SPIDR: variants seen among roughly 807,000 people sequenced by gnomAD.
The protein encoded by SPIDR is DNA repair-scaffolding protein.
SPIDR carries 93 observed loss-of-function variants against 104.6 expected under a neutral mutation model. The observed-to-expected ratio is 0.89, with a 90% CI of 0.75 to 1.06. SPIDR has a LOEUF of 1.06. SPIDR is among the 50% of genes least tolerant of loss of function. The pLI is 0.00. For synonymous variants in SPIDR, 431 were observed against 416.9 expected (o/e 1.03, Z -0.41); for missense variants, 1,154 against 1,111.2 (o/e 1.04, Z -0.55).
intron 5 of SPIDR, among the ~76,000 whole-genome samples, chr8:47,314,089 A>G (rs1470736086): frequency 4.6e-5 from 7 of 152,218 alleles, no homozygotes; most frequent in African/African-American, 2.4e-5. Context: ...TAATGTTACA[A>G]TATGGCATTT....
At chr8:47,339,118 TATC>T (rs1209145347) in intron 5 of SPIDR, among the ~76,000 whole-genome samples, 2 of 152,346 alleles carry the variant, frequency 1.3e-5, no homozygotes, top group African/African-American at 4.8e-5. Context: ...CCGTTTTAAA[TATC>T]ATCTTTCAGA....
chr8:47,304,755 C>G (rs1302309350), intron 5 of SPIDR, among the ~76,000 whole-genome samples: 4 of 152,144 alleles, frequency 2.6e-5, no homozygotes, highest in Non-Finnish European at 5.9e-5. Context: ...ATTACCCAGT[C>G]TCAGGTATAT....
chr8:47,498,241 G>A (rs1564145401), intron 8 of SPIDR, among the ~76,000 whole-genome samples: 3 of 152,018 alleles, frequency 2.0e-5, no homozygotes, highest in Non-Finnish European at 2.9e-5. Flanking sequence ...GCACATTGTT[G>A]GCCAGTTGAT....
chr8:47,503,131 G>A (rs2080826534), intron 8 of SPIDR, among the ~76,000 whole-genome samples: 1 of 152,176 alleles, frequency 6.6e-6, no homozygotes, highest in Non-Finnish European at 1.5e-5. Flanking sequence ...TGGGTGGAGA[G>A]TTCTGTAGAT....
intron 8 of SPIDR, among the ~76,000 whole-genome samples, chr8:47,509,765 C>CAACGTATAT (rs1232959304): frequency 6.6e-6 from 1 of 152,164 alleles, no homozygotes; most frequent in Non-Finnish European, 1.5e-5. Context: ...ACTAGGTCTA[C>CAACGTATAT]AACGTATATC....
chr8:47,433,795 A>G (rs1307964644), intron 7 of SPIDR, among the ~76,000 whole-genome samples: 1 of 152,206 alleles, frequency 6.6e-6, no homozygotes, highest in African/African-American at 2.4e-5. Context: ...TGGAGCATGG[A>G]GATTTGGCAT....
chr8:47,498,033 A>G (rs1586714042), intron 8 of SPIDR, among the ~76,000 whole-genome samples: 2 of 152,356 alleles, frequency 1.3e-5, no homozygotes, highest in South Asian at 4.1e-4. Flanking sequence ...CGGGTAAGCA[A>G]GGTGAGCACT....
At chr8:47,532,477 G>A (rs953422195) in intron 8 of SPIDR, among the ~76,000 whole-genome samples, 1 of 152,086 alleles carries the variant, frequency 6.6e-6, no homozygotes, top group Admixed American at 6.6e-5. Flanking sequence ...ACAGAAAGCT[G>A]GAGTACCTAT....
At chr8:47,497,123 ATAGT>A (rs1398263027) in intron 8 of SPIDR, among the ~76,000 whole-genome samples, 1 of 151,970 alleles carries the variant, frequency 6.6e-6, no homozygotes, top group Non-Finnish European at 1.5e-5. Flanking sequence ...ACCCTAGCTA[ATAGT>A]TTGTTGATTT....
At chr8:47,732,697 T>C (rs2085459554) in intron 19 of SPIDR, 1 of 153,702 alleles carries the variant, frequency 6.5e-6, no homozygotes, top group South Asian at 2.0e-4. Context: ...CTGTCAGTTT[T>C]CTGGGTGAGC....
chr8:47,702,202 G>A (rs140906405), intron 14 of SPIDR, among the ~76,000 whole-genome samples, 187 bp downstream of exon 14: 83 of 151,940 alleles, frequency 5.5e-4, no homozygotes, highest in African/African-American at 2.0e-3. Context: ...ACAGAGAAGT[G>A]TTTTTAAAGT....
intron 16 of SPIDR, 142 bp downstream of exon 16, chr8:47,713,783 A>T: frequency 4.3e-6 from 5 of 1,161,170 alleles, no homozygotes; most frequent in East Asian, 2.6e-5. Flanking sequence ...AAAAGCAGAA[A>T]TTGTTCTTGG....
At chr8:47,701,653 A>T in intron 12 of SPIDR, 68 bp from the exon 13 acceptor site, 1 of 1,481,250 alleles carries the variant, frequency 6.8e-7, no homozygotes. Context: ...AGGAGATTTT[A>T]ATAATATCTC....
intron 14 of SPIDR, among the ~76,000 whole-genome samples, chr8:47,709,300 C>T (rs921446882): frequency 6.6e-6 from 1 of 152,172 alleles, no homozygotes; most frequent in African/African-American, 2.4e-5. Context: ...ACCACCACAC[C>T]AGCTAATTTT....
chr8:47,396,474 C>G lies in SPIDR; in HGVS notation c.624C>G (p.Tyr208Ter), dbSNP rs2061261606. The change falls in exon 6 of 20, where the codon TAC becomes TAG. Residue 208 changes from tyrosine (Y) to a stop codon, truncating the protein, a stop_gained. Transcript: ENST00000297423. LOFTEE classifies it high-confidence loss of function. ...LLIDSESPHK[Y>*]HVQFASDARQ... Reference sequence around the variant, plus strand: ...TTGATTCAGAATCCCCTCACAAATACCACGTGCAGTTTGCATCGGATGCAA... The same window carrying G: ...TTGATTCAGAATCCCCTCACAAATAGCACGTGCAGTTTGCATCGGATGCAA... 1 of 1,613,874 alleles carries G rather than the reference C, an allele frequency of 6.2e-7. No homozygotes were observed. Among genetic ancestry groups the G allele is most frequent in the Non-Finnish European group, 8.5e-7 (1 of 1,179,966 alleles).
chr8:47,446,956 G>A (rs1011259227), intron 8 of SPIDR, among the ~76,000 whole-genome samples: 2 of 152,100 alleles, frequency 1.3e-5, no homozygotes, highest in Non-Finnish European at 2.9e-5. Flanking sequence ...CTCCCATTAA[G>A]AACATTCATG....
intron 14 of SPIDR, 48 bp from the exon 15 acceptor site, chr8:47,712,614 A>G (rs1167875182): frequency 6.4e-7 from 1 of 1,567,358 alleles, no homozygotes; most frequent in Middle Eastern, 1.8e-4. Context: ...TGCTTTTAAA[A>G]CATTTTTTGG....
chr8:47,606,140 T>G (rs6984865), intron 10 of SPIDR, among the ~76,000 whole-genome samples: 18 of 152,154 alleles, frequency 1.2e-4, no homozygotes, highest in African/African-American at 3.1e-4. Flanking sequence ...ATAAACATAT[T>G]GCAGAAAACT....
chr8:47,536,091 T>TAC (rs1255054014), intron 8 of SPIDR, among the ~76,000 whole-genome samples: 4 of 151,158 alleles, frequency 2.6e-5, no homozygotes, highest in African/African-American at 7.3e-5. Flanking sequence ...AATCTAAAAA[T>TAC]ATATATATAT....
Sources: gnomAD v4.1 joint callset for allele counts (sites outside exome capture counted in the v4.1 genomes callset) on GRCh38, gnomAD v4.1.1 for gene constraint, MANE v1.5 for transcripts, NCBI Gene and HGNC (gene_info 2026-07-23, HGNC 2026-07-21) for gene names.